The following CDH23 variants were observed in gnomAD, a reference collection of about 807,000 sequenced individuals.
CDH23 encodes the protein cadherin related 23.
In CDH23, 189 loss-of-function variants were observed where a neutral mutation model predicts 317.1. The observed-to-expected ratio is 0.60, with a 90% CI of 0.53 to 0.67. The LOEUF (loss-of-function observed/expected upper bound fraction) is 0.67. Among genes scored for constraint, CDH23 ranks in the 30% least tolerant of loss-of-function variants. The pLI, the probability that CDH23 is intolerant of heterozygous loss-of-function variation, is 0.00. For missense variants in CDH23, 4,401 were observed against 4,592.4 expected (o/e 0.96, Z 1.20); for synonymous variants, 1,839 against 1,876.8 (o/e 0.98, Z 0.52).
At chr10:71,634,177 G>T (rs546689125) in intron 11 of CDH23, among the ~76,000 whole-genome samples, 2 of 152,354 alleles carry the variant, frequency 1.3e-5, no homozygotes, top group South Asian at 4.1e-4. Flanking sequence ...GAGGGCTGGA[G>T]ACCCAGGAGG....
intron 9 of CDH23, 107 bp from the exon 10 acceptor site, chr10:71,615,397 T>G: frequency 1.3e-6 from 1 of 744,916 alleles, no homozygotes; most frequent in South Asian, 1.5e-5. Context: ...GATGAGTCTT[T>G]AATGCCCAGA....
At chr10:71,523,677 A>C (rs1262573424) in intron 6 of CDH23, among the ~76,000 whole-genome samples, 1 of 152,180 alleles carries the variant, frequency 6.6e-6, no homozygotes, top group Non-Finnish European at 1.5e-5. Context: ...GGGGCAGGTC[A>C]CTGGTGAGGG....
intron 6 of CDH23, among the ~76,000 whole-genome samples, chr10:71,536,472 T>C (rs960002461): frequency 2.0e-5 from 3 of 152,118 alleles, no homozygotes; most frequent in Admixed American, 2.0e-4. Flanking sequence ...GTAATGAAAA[T>C]AGTGAGTCAC....
intron 1 of CDH23, among the ~76,000 whole-genome samples, chr10:71,401,670 G>T (rs74661804): frequency 0.032 from 4,797 of 152,254 alleles, 165 homozygotes; most frequent in African/African-American, 0.08. Flanking sequence ...ATAGGGAGTG[G>T]TGGGGACTGG....
intron 48 of CDH23, chr10:71,794,733 G>A (rs1368343959): frequency 6.6e-6 from 1 of 152,234 alleles, no homozygotes. Flanking sequence ...CACTGCTGTA[G>A]GAGTTGTGAC....
rs142695132 is a variant in CDH23, at chr10:71,761,615, T to G, written c.4846-16065T>G. On this transcript the variant is annotated intron_variant, in intron 38 of 69. Transcript: ENST00000224721. ...GCCCTCACCTGTCTGCACCTGCAGCTCCATGGCACCATGGACCCTGTGCTC... is the reference window on the plus strand; with the variant it reads ...GCCCTCACCTGTCTGCACCTGCAGCGCCATGGCACCATGGACCCTGTGCTC... The G allele has an allele frequency of 1.9e-6, 3 of 1,596,384 alleles. No homozygotes were observed. The African/African-American group carries it at 4.0e-5, about 21-fold the overall frequency.
intron 38 of CDH23, chr10:71,761,464 C>T: frequency 9.1e-7 from 1 of 1,100,350 alleles, no homozygotes; most frequent in Non-Finnish European, 1.3e-6. Context: ...CCCCATCTCA[C>T]CCACACACTC....
At chr10:71,670,820 A>G (rs1279155002) in intron 14 of CDH23, among the ~76,000 whole-genome samples, 2 of 152,188 alleles carry the variant, frequency 1.3e-5, no homozygotes, top group East Asian at 3.9e-4. Context: ...CTTCACAAGT[A>G]GTAAAATGCA....
intron 3 of CDH23, among the ~76,000 whole-genome samples, chr10:71,485,023 C>CTTTTTTTT (rs56153129): frequency 1.3e-4 from 14 of 110,126 alleles, no homozygotes; most frequent in South Asian, 2.9e-4. Flanking sequence ...TTTCTTTTTT[C>CTTTTTTTT]TTTTTTTTTT....
chr10:71,754,938 C>T, intron 38 of CDH23: 1 of 386,586 alleles, frequency 2.6e-6, no homozygotes, highest in South Asian at 1.9e-5. Context: ...TCTGTAAGAC[C>T]CCTTCCACTT....
At chr10:71,413,800 C>T (rs1848429868) in intron 1 of CDH23, among the ~76,000 whole-genome samples, 2 of 152,108 alleles carry the variant, frequency 1.3e-5, no homozygotes, top group Admixed American at 1.3e-4. Context: ...TCCCAAGCAG[C>T]TGAGACTACA....
chr10:71,682,456 A>T lies in CDH23; in HGVS notation c.1870A>T (p.Ser624Cys). ...TCCTGTCATTGCAGTGATCAGCGTC[A>T]GTCGCCCCCTGGATTATGAACAGAT... ...LYEGYGVISV[S>C]RPLDYEQISN... The change falls in exon 18 of 70, where the codon AGT becomes TGT. Residue 624 changes from serine (S) to cysteine (C), a missense_variant. Transcript: ENST00000224721. The T allele has an allele frequency of 6.2e-7, 1 of 1,612,130 alleles. No individual in the cohort carries two copies. Among genetic ancestry groups the T allele is most frequent in the Non-Finnish European group, 8.5e-7 (1 of 1,179,122 alleles).
intron 7 of CDH23, 90 bp from the exon 8 acceptor site, chr10:71,570,700 C>T (rs984088468): frequency 3.3e-5 from 48 of 1,446,526 alleles, no homozygotes; most frequent in East Asian, 5.0e-5. Flanking sequence ...ATGTGCTGCA[C>T]GGTGCAGGTC....
At chr10:71,608,249 A>G (rs1343819173) in intron 9 of CDH23, among the ~76,000 whole-genome samples, 1 of 152,174 alleles carries the variant, frequency 6.6e-6, no homozygotes, top group Non-Finnish European at 1.5e-5. Flanking sequence ...AAGAGAGACC[A>G]TTGGAAGGAA....
chr10:71,426,177 A>T (rs1428735303), intron 1 of CDH23, among the ~76,000 whole-genome samples: 1 of 152,214 alleles, frequency 6.6e-6, no homozygotes, highest in African/African-American at 2.4e-5. Context: ...TCTATCGACC[A>T]CCTGCATGGC....
At position 71,704,969 on chromosome 10, in the gene CDH23, T is replaced by C. The variant is rs1308326827; in HGVS notation, c.2792T>C (p.Val931Ala). The change falls in exon 25 of 70, where the codon GTG (valine) becomes GCG (alanine). Residue 931 changes from valine (V) to alanine (A), a missense_variant. This residue lies in a region of CDH23 where 3,068 missense variants were observed against 3,203.3 expected (regional missense o/e 0.96). Transcript: ENST00000224721. ...GGCCTGGTGTCCTACCGCATGCCGGTGGGCATGCCCCGCATGGACTTCCTC... is the reference window on the plus strand; with the variant it reads ...GGCCTGGTGTCCTACCGCATGCCGGCGGGCATGCCCCGCATGGACTTCCTC... The part of the protein sequence containing the change: ...LNGLVSYRMP[V>A]GMPRMDFLIN... 1.2e-6 allele frequency: 2 copies of C among 1,612,824 alleles called. No individual in the cohort carries two copies. Among genetic ancestry groups the C allele is most frequent in the Non-Finnish European group, 1.7e-6 (2 of 1,179,824 alleles).
intron 9 of CDH23, among the ~76,000 whole-genome samples, chr10:71,600,128 G>A (rs139231906): frequency 5.9e-4 from 88 of 148,574 alleles, no homozygotes; most frequent in African/African-American, 2.0e-3. Flanking sequence ...TCAGCCTCCC[G>A]AGCAGCTAAA....
intron 69 of CDH23, among the ~76,000 whole-genome samples, chr10:71,814,567 G>A (rs539490803): frequency 6.6e-6 from 1 of 152,234 alleles, no homozygotes; most frequent in Non-Finnish European, 1.5e-5. Context: ...GCTGAGGCCG[G>A]AGAATCACTT....
chr10:71,791,341 C>G lies in CDH23; in HGVS notation c.6253+6C>G. The G allele has an allele frequency of 6.2e-7, 1 of 1,612,152 alleles. No homozygotes were observed. On this transcript the variant is annotated splice_donor_region_variant and intron_variant, in intron 47 of 69. Coordinates refer to ENST00000224721, the MANE Select transcript of CDH23 (RefSeq NM_022124.6). ...GCTAGAGAACTGCCCGCCTGGTAAGCAGGGGACAGGCCCCAGCACCCCACA... is the reference window on the plus strand; with the variant it reads ...GCTAGAGAACTGCCCGCCTGGTAAGGAGGGGACAGGCCCCAGCACCCCACA...
Sources: gnomAD v4.1 joint callset for allele counts (sites outside exome capture counted in the v4.1 genomes callset) on GRCh38, gnomAD v4.1.1 for gene constraint, gnomAD v4.1.1 regional missense constraint, MANE v1.5 for transcripts, NCBI Gene and HGNC (gene_info 2026-07-23, HGNC 2026-07-21) for gene names.